RBM20: variants seen among roughly 807,000 people sequenced by gnomAD.
RBM20 encodes the protein RNA-binding protein 20.
A neutral mutation model predicts 110.1 loss-of-function variants in RBM20; 51 were observed. That is an observed-to-expected ratio of 0.46 (90% confidence interval 0.37 to 0.59). The LOEUF (loss-of-function observed/expected upper bound fraction) is 0.59, where lower values mean the gene tolerates loss of function less well. Among genes scored for constraint, RBM20 ranks in the 20% least tolerant of loss-of-function variants. The probability of loss-of-function intolerance (pLI) is 0.00; values close to 1 mark genes in which losing one functional copy is unlikely to be tolerated. For synonymous variants in RBM20, 589 were observed against 618.2 expected (o/e 0.95, Z 0.70); for missense variants, 1,512 against 1,574.9 (o/e 0.96, Z 0.68).
rs1239112886 is a variant in RBM20, at chr10:110,813,822, C to T, written c.2550+875C>T. Among the ~76,000 whole-genome samples, 8 of 116,526 alleles carry T rather than the reference C, an allele frequency of 6.9e-5. 2 individuals carry two copies. Among genetic ancestry groups the T allele is most frequent in the African/African-American group, 3.5e-5 (1 of 28,836 alleles). The allele number at this position is 116,526 out of a possible 152,430, so 76.4% of individuals were successfully genotyped here. A position where few individuals can be genotyped will look rare whatever the true frequency, so the allele number is the denominator to read the frequency against. The stretch of plus-strand genomic sequence containing the variant: ...TGCACTCCAGCCTGGATGACAAGAG[C>T]GAAACTCTATTTCAAAAAAAAAAAA... On this transcript the variant is annotated intron_variant, in intron 9 of 13. Transcript: ENST00000369519.
intron 1 of RBM20, among the ~76,000 whole-genome samples, chr10:110,759,890 A>G (rs1294260062): frequency 6.6e-6 from 1 of 152,244 alleles, no homozygotes; most frequent in African/African-American, 2.4e-5. Context: ...AAGCAAAGGC[A>G]ATCCAAATGT....
intron 1 of RBM20, among the ~76,000 whole-genome samples, chr10:110,694,898 T>A (rs906414441): frequency 2.0e-5 from 3 of 152,100 alleles, no homozygotes; most frequent in African/African-American, 7.2e-5. Context: ...TAGGAAAGAA[T>A]TGGAGTAAGT....
At position 110,756,289 on chromosome 10, in the gene RBM20, C is replaced by A. The variant is rs146814022; in HGVS notation, c.192-24512C>A. On this transcript the variant is annotated intron_variant, in intron 1 of 13. Coordinates refer to ENST00000369519, the MANE Select transcript of RBM20 (RefSeq NM_001134363.3). ...TCAACATGAGGAAAAGCCTGTAAATCATTTACAGATTCAGAAAACACTTAA... is the reference window on the plus strand; with the variant it reads ...TCAACATGAGGAAAAGCCTGTAAATAATTTACAGATTCAGAAAACACTTAA... 7.2e-3 allele frequency among the ~76,000 whole-genome samples: 1,096 copies of A among 152,336 alleles called. 7 individuals carry two copies. The highest frequency in any genetic ancestry group is 9.8e-3 in the Non-Finnish European group (666 of 68,032).
In RBM20 at chr10:110,823,820, T is replaced by G. The variant is rs376328388; in HGVS notation, c.3451+206T>G. On this transcript the variant is annotated intron_variant, in intron 12 of 13. Coordinates refer to ENST00000369519, the MANE Select transcript of RBM20 (RefSeq NM_001134363.3). ...GCAGCCTCAAATTCCTGGGCTCAAG[T>G]GATCCTCCCACCTCAGCCTCCTGAG... Among the ~76,000 whole-genome samples, 59 of 152,178 alleles carry G rather than the reference T, an allele frequency of 3.9e-4. No homozygotes were observed. In the South Asian group the frequency reaches 0.011, roughly 29 times the overall value.
intron 1 of RBM20, among the ~76,000 whole-genome samples, chr10:110,752,355 G>A (rs1480408758): frequency 2.0e-5 from 3 of 152,124 alleles, no homozygotes; most frequent in African/African-American, 7.2e-5. Flanking sequence ...TTTACTCCAT[G>A]TGTTTTCATG....
At chr10:110,718,189 C>T (rs1564824320) in intron 1 of RBM20, among the ~76,000 whole-genome samples, 1 of 152,206 alleles carries the variant, frequency 6.6e-6, no homozygotes, top group Non-Finnish European at 1.5e-5. Context: ...GTTTCAGCAA[C>T]TTTGGGTTGG....
chr10:110,782,629 T>A (rs1376389420), intron 2 of RBM20, among the ~76,000 whole-genome samples: 1 of 152,028 alleles, frequency 6.6e-6, no homozygotes, highest in Non-Finnish European at 1.5e-5. Flanking sequence ...AGAGATGAGA[T>A]GACTTACTCA....
At chr10:110,662,488 G>C (rs1171125472) in intron 1 of RBM20, among the ~76,000 whole-genome samples, 3 of 152,144 alleles carry the variant, frequency 2.0e-5, no homozygotes, top group Admixed American at 2.0e-4. Context: ...TCTCTCAGAG[G>C]TTTTTAATTA....
chr10:110,815,116 G>T (rs1035480713), intron 9 of RBM20, among the ~76,000 whole-genome samples: 6 of 152,180 alleles, frequency 3.9e-5, no homozygotes, highest in Admixed American at 3.3e-4. Flanking sequence ...AGGGGGCAGG[G>T]AATCGGTTGC....
chr10:110,663,420 G>C (rs547139818), intron 1 of RBM20, among the ~76,000 whole-genome samples: 11 of 152,352 alleles, frequency 7.2e-5, no homozygotes, highest in African/African-American at 2.6e-4. Flanking sequence ...AAAAAGCAGA[G>C]TGCAGAAAAA....
chr10:110,712,435 CTAGAA>C (rs1862947193), intron 1 of RBM20, among the ~76,000 whole-genome samples: 1 of 152,154 alleles, frequency 6.6e-6, no homozygotes, highest in South Asian at 2.1e-4. Context: ...AGGAGGTTGG[CTAGAA>C]TATTTCAATC....
intron 1 of RBM20, among the ~76,000 whole-genome samples, chr10:110,688,442 T>G (rs1361124233): frequency 6.6e-6 from 1 of 152,196 alleles, no homozygotes; most frequent in Non-Finnish European, 1.5e-5. Flanking sequence ...GATTCTAAAT[T>G]TCACCAAATT....
chr10:110,828,191 A>G (rs1273062788), intron 12 of RBM20, among the ~76,000 whole-genome samples: 3 of 152,328 alleles, frequency 2.0e-5, no homozygotes, highest in African/African-American at 7.2e-5. Context: ...AGCCAAATGC[A>G]GCTTTAGTGA....
At chr10:110,774,858 T>C (rs181049480) in intron 1 of RBM20, among the ~76,000 whole-genome samples, 47 of 152,274 alleles carry the variant, frequency 3.1e-4, no homozygotes, top group African/African-American at 8.4e-4. Context: ...GGAATGTCCC[T>C]CTCTAGTTCA....
intron 12 of RBM20, among the ~76,000 whole-genome samples, chr10:110,825,190 G>T (rs1296938490): frequency 6.6e-6 from 1 of 152,156 alleles, no homozygotes; most frequent in Non-Finnish European, 1.5e-5. Context: ...AGGCCACCCT[G>T]CAGGAGAAGA....
chr10:110,777,265 C>T (rs1213092076), intron 1 of RBM20, among the ~76,000 whole-genome samples: 1 of 152,174 alleles, frequency 6.6e-6, no homozygotes, highest in Admixed American at 6.5e-5. Flanking sequence ...AAGTGACAAA[C>T]TAAGGAGTGG....
intron 9 of RBM20, among the ~76,000 whole-genome samples, chr10:110,817,218 C>T (rs563382950): frequency 3.3e-5 from 5 of 152,244 alleles, no homozygotes; most frequent in African/African-American, 4.8e-5. Context: ...TCTGTGGGGC[C>T]GGAGCTACTG....
intron 1 of RBM20, among the ~76,000 whole-genome samples, chr10:110,746,667 C>T (rs371061502): frequency 3.9e-5 from 6 of 152,166 alleles, no homozygotes; most frequent in African/African-American, 7.2e-5. Flanking sequence ...GCAGGCAGTG[C>T]TACCTATGGA....
At chr10:110,677,050 TG>T (rs1464967655) in intron 1 of RBM20, among the ~76,000 whole-genome samples, 1 of 152,162 alleles carries the variant, frequency 6.6e-6, no homozygotes, top group Non-Finnish European at 1.5e-5. Flanking sequence ...ATTATAGTTA[TG>T]GGGGCTGAGA....
Sources: allele counts gnomAD v4.1 joint callset (sites outside exome capture counted in the v4.1 genomes callset), GRCh38; gene constraint gnomAD v4.1.1; transcripts MANE v1.5; gene names NCBI Gene and HGNC (gene_info 2026-07-23, HGNC 2026-07-21).